Variants in RARB observed in about 807,000 individuals in gnomAD.
The protein encoded by RARB is retinoic acid receptor beta.
In RARB, 17 loss-of-function variants were observed where a neutral mutation model predicts 51.9. The observed-to-expected ratio is 0.33, with a 90% CI of 0.22 to 0.49. RARB has a LOEUF of 0.49. Ranked by LOEUF, RARB falls within the 20% of genes least tolerant of loss-of-function variation. The pLI is 0.99. For missense variants in RARB, 369 were observed against 550.8 expected (o/e 0.67, Z 3.30); for synonymous variants, 215 against 195.4 (o/e 1.10, Z -0.84).
At chr3:25,580,497 A>G (rs2125305138) in intron 4 of RARB, 49 bp from the exon 5 acceptor site, 4 of 1,480,182 alleles carry the variant, frequency 2.7e-6, no homozygotes, top group Non-Finnish European at 3.7e-6. Context: ...CTCCCCTCCT[A>G]TAGAGCTTCC....
intron 3 of RARB, among the ~76,000 whole-genome samples, chr3:25,074,872 C>T (rs9872537): frequency 0.028 from 4,211 of 152,232 alleles, 203 homozygotes; most frequent in African/African-American, 0.097. Context: ...ACATATGCAG[C>T]GCAGTGACTT....
intron 5 of RARB, among the ~76,000 whole-genome samples, chr3:25,190,330 G>A (rs1410203889): frequency 6.6e-6 from 1 of 152,056 alleles, no homozygotes; most frequent in African/African-American, 2.4e-5. Flanking sequence ...AAACACTCAA[G>A]GGAGAGTATG....
At chr3:25,131,014 A>G (rs1211622171) in intron 3 of RARB, among the ~76,000 whole-genome samples, 2 of 147,038 alleles carry the variant, frequency 1.4e-5, no homozygotes, top group Non-Finnish European at 3.0e-5. Context: ...TTATTTATCA[A>G]TGAAATTATA....
At chr3:25,389,942 T>A (rs1706903010) in intron 5 of RARB, among the ~76,000 whole-genome samples, 1 of 152,074 alleles carries the variant, frequency 6.6e-6, no homozygotes, top group African/African-American at 2.4e-5. Context: ...AGCAAAAGGT[T>A]CCAAGACAGG....
intron 5 of RARB, among the ~76,000 whole-genome samples, chr3:25,371,267 C>T (rs902256066): frequency 1.3e-5 from 2 of 152,074 alleles, no homozygotes; most frequent in African/African-American, 2.4e-5. Context: ...TTATTTAGGC[C>T]CTTTTTCCAA....
chr3:25,485,553 C>T (rs1399992256), intron 2 of RARB, among the ~76,000 whole-genome samples: 1 of 152,036 alleles, frequency 6.6e-6, no homozygotes, highest in Admixed American at 6.6e-5. Flanking sequence ...AACCCACTAC[C>T]TTCAGACTTG....
chr3:25,520,548 T>G (rs1018282694), intron 3 of RARB, among the ~76,000 whole-genome samples: 1 of 152,254 alleles, frequency 6.6e-6, no homozygotes, highest in East Asian at 1.9e-4. Flanking sequence ...AACATCCAAC[T>G]GATAACTCTT....
chr3:25,245,399 T>G (rs1364722500), intron 5 of RARB, among the ~76,000 whole-genome samples: 1 of 152,146 alleles, frequency 6.6e-6, no homozygotes, highest in Non-Finnish European at 1.5e-5. Context: ...TTCATAGTGT[T>G]GATGGCCTTT....
At chr3:24,952,680 C>T (rs1372284907) in intron 2 of RARB, among the ~76,000 whole-genome samples, 1 of 152,310 alleles carries the variant, frequency 6.6e-6, no homozygotes. Flanking sequence ...AAGACTGCTG[C>T]TGCTTTGTGT....
chr3:25,186,169 A>G (rs568163371), intron 5 of RARB, among the ~76,000 whole-genome samples: 4 of 152,160 alleles, frequency 2.6e-5, no homozygotes, highest in African/African-American at 9.6e-5. Context: ...AAAAGATTTT[A>G]TTTCACTAAA....
In RARB at chr3:25,301,741, C is replaced by G. The variant is rs115952618; in HGVS notation, c.178+127166C>G. Among the ~76,000 whole-genome samples the G allele has an allele frequency of 3.8e-3, 576 of 152,264 alleles. 2 individuals are homozygous for G. The highest frequency in any genetic ancestry group is 0.013 in the African/African-American group (548 of 41,544). ...GCTCCTGTCCCTAACATCTGAGGCT[C>G]TTGCGGTGGCAGTTTCCATTATTTA... On this transcript the variant is annotated intron_variant, in intron 5 of 11. Coordinates refer to the RARB transcript ENST00000383772.
intron 3 of RARB, among the ~76,000 whole-genome samples, chr3:25,109,407 T>G (rs970088638): frequency 6.6e-6 from 1 of 152,124 alleles, no homozygotes; most frequent in African/African-American, 2.4e-5. Context: ...TACTATGATC[T>G]GGGGGGATCA....
intron 5 of RARB, among the ~76,000 whole-genome samples, chr3:25,183,479 AC>A (rs1700908994): frequency 6.6e-6 from 1 of 152,054 alleles, no homozygotes; most frequent in South Asian, 2.1e-4. Context: ...TCATTTTAAA[AC>A]CTTTGCCTCA....
chr3:25,115,842 G>T (rs989755022), intron 3 of RARB, among the ~76,000 whole-genome samples: 2 of 151,920 alleles, frequency 1.3e-5, no homozygotes, highest in African/African-American at 2.4e-5. Context: ...TGTTGCCGAG[G>T]CTGATCTCGA....
chr3:25,145,360 T>G (rs114281022), intron 4 of RARB, among the ~76,000 whole-genome samples: 2 of 152,136 alleles, frequency 1.3e-5, no homozygotes, highest in African/African-American at 4.8e-5. Flanking sequence ...TAGGAACATA[T>G]TGAATATATC....
In RARB at chr3:25,130,900, A is replaced by ATATT. The variant is rs10646076; in HGVS notation, c.-327-1260_-327-1257dup. 4.3e-4 allele frequency among the ~76,000 whole-genome samples: 13 copies of ATATT among 30,260 alleles called. No individual in the cohort carries two copies. In the East Asian group the frequency reaches 5.8e-3, roughly 14 times the overall value. 19.9% of individuals were successfully genotyped at this position (30,260 alleles called of 152,430 possible). A position where few individuals can be genotyped will look rare whatever the true frequency, so the allele number is the denominator to read the frequency against. On this transcript the variant is annotated intron_variant, in intron 3 of 11. Coordinates refer to the RARB transcript ENST00000383772. ...TCAATATTTATTATTGATAATATCAATATTATTGATAATATTATCAATATT... is the reference window on the plus strand; with the variant it reads ...TCAATATTTATTATTGATAATATCAATATTTATTATTGATAATATTATCAATATT...
intron 2 of RARB, among the ~76,000 whole-genome samples, chr3:24,931,858 G>T (rs909057784): frequency 6.6e-6 from 1 of 152,118 alleles, no homozygotes; most frequent in Non-Finnish European, 1.5e-5. Context: ...GTAGTTATTT[G>T]TGTTCACAAG....
intron 2 of RARB, among the ~76,000 whole-genome samples, chr3:24,871,648 A>G (rs1166109655): frequency 6.6e-6 from 1 of 152,174 alleles, no homozygotes. Context: ...ACCAGATTGG[A>G]TATCCAGCTT....
intron 5 of RARB, among the ~76,000 whole-genome samples, chr3:25,293,038 T>C (rs1703826998): frequency 6.6e-6 from 1 of 152,224 alleles, no homozygotes; most frequent in Non-Finnish European, 1.5e-5. Flanking sequence ...TTTAATTTTT[T>C]TCCTGTGGCT....
Sources: gnomAD v4.1 joint callset for allele counts (sites outside exome capture counted in the v4.1 genomes callset) on GRCh38, gnomAD v4.1.1 for gene constraint, MANE v1.5 for transcripts, NCBI Gene and HGNC (gene_info 2026-07-23, HGNC 2026-07-21) for gene names.